PLAC1: variants seen among roughly 807,000 people sequenced by gnomAD.
PLAC1 encodes placenta associated 1.
For synonymous variants in PLAC1, 68 were observed against 62.1 expected (o/e 1.09, Z -0.44); for missense variants, 136 against 163.2 (o/e 0.83, Z 0.91).
Position 134,616,684 on chromosome X carries a change from G to A in PLAC1, c.-130-14562C>T, listed in dbSNP as rs762085786. Reference sequence around the variant, plus strand: ...AAAAAAAATTGCTTCAGCTATCTGGGGTCTTTTGTGGTTCCACACAAATTT... The same window carrying A: ...AAAAAAAATTGCTTCAGCTATCTGGAGTCTTTTGTGGTTCCACACAAATTT... On this transcript the variant is annotated intron_variant, in intron 1 of 2. Coordinates refer to ENST00000359237, the MANE Select transcript of PLAC1 (RefSeq NM_021796.4). Among the ~76,000 whole-genome samples, 14 of 111,384 alleles carry A rather than the reference G, an allele frequency of 1.3e-4. No homozygotes were observed. The East Asian group carries it at 2.6e-3, about 21-fold the overall frequency.
chrX:134,656,397 C>T (rs2078391804), intron 1 of PLAC1, among the ~76,000 whole-genome samples: 1 of 110,946 alleles, frequency 9.0e-6, no homozygotes, highest in South Asian at 3.9e-4. Flanking sequence ...CACAGAGCTC[C>T]CACCTTTTCT....
rs373008601 is a variant in PLAC1 at position 134,630,832 on chromosome X, T to C, written c.-131+27496A>G. On this transcript the variant is annotated intron_variant, in intron 1 of 2. Coordinates refer to ENST00000359237, the MANE Select transcript of PLAC1 (RefSeq NM_021796.4). The stretch of plus-strand genomic sequence containing the variant: ...GAGTTGTTGTGAAGATTAAACAGAA[T>C]GGTGCAAATCAATCACCCAGCATGT... Among the ~76,000 whole-genome samples the C allele has an allele frequency of 7.2e-5, 8 of 111,883 alleles. No homozygotes were observed. The South Asian group carries it at 3.1e-3, about 43-fold the overall frequency.
In PLAC1 at chrX:134,722,416, T is replaced by A. The variant is rs766715764; in HGVS notation, n.174+11019A>T. 8.0e-5 allele frequency among the ~76,000 whole-genome samples: 9 copies of A among 112,311 alleles called. 1 individual carries two copies. The East Asian group carries it at 2.5e-3, about 31-fold the overall frequency. On this transcript the variant is annotated intron_variant and non_coding_transcript_variant, in intron 2 of 2. Coordinates refer to the PLAC1 transcript ENST00000466797. ...CTTGAAAACATTCAGCAAAGTGAAA[T>A]AAGCCAGACACAAAAGGCCACATAT...
chrX:134,588,190 G>C (rs1402235655), intron 2 of PLAC1, among the ~76,000 whole-genome samples: 2 of 111,048 alleles, frequency 1.8e-5, no homozygotes, highest in Admixed American at 1.9e-4. Flanking sequence ...CCTCTTTAGG[G>C]GGAAAGCTAG....
chrX:134,592,607 G>GA (rs2078043624), intron 2 of PLAC1, among the ~76,000 whole-genome samples: 1 of 110,584 alleles, frequency 9.0e-6, no homozygotes, highest in Admixed American at 9.7e-5. Context: ...ACTCTTCCCT[G>GA]AGTCTCCAGC....
At position 134,750,847 on chromosome X, in the gene PLAC1, TTA is replaced by T. The variant is rs1273755571; in HGVS notation, n.89+13385_89+13386del. Among the ~76,000 whole-genome samples, 16 of 20,089 alleles carry T rather than the reference TTA, an allele frequency of 8.0e-4. 5 individuals carry two copies. Among genetic ancestry groups the T allele is most frequent in the African/African-American group, 5.2e-3 (14 of 2,670 alleles). 17.4% of individuals were successfully genotyped at this position (20,089 alleles called of 115,157 possible). On this transcript the variant is annotated intron_variant and non_coding_transcript_variant, in intron 1 of 2. Transcript: ENST00000466797. ...TATATATATATATTTATATATATAT[TTA>T]TATATATATATTTTTATATATATAT... is the stretch of plus-strand genomic sequence containing the variant.
intron 2 of PLAC1, among the ~76,000 whole-genome samples, chrX:134,571,477 T>C (rs899129123): frequency 1.8e-5 from 2 of 111,193 alleles, no homozygotes; most frequent in African/African-American, 6.5e-5. Flanking sequence ...AGGAATAAGT[T>C]CTAGTGATCT....
At chrX:134,738,180 G>A (rs1346579379) in intron 1 of PLAC1, among the ~76,000 whole-genome samples, 1 of 111,649 alleles carries the variant, frequency 9.0e-6, no homozygotes, top group South Asian at 3.8e-4. Flanking sequence ...TGAGAAAAAA[G>A]AAAATAAAAA....
intron 1 of PLAC1, among the ~76,000 whole-genome samples, chrX:134,646,768 TG>T (rs778500259): frequency 3.3e-4 from 37 of 112,142 alleles, no homozygotes; most frequent in Non-Finnish European, 4.3e-4. Context: ...TGAAGGACTT[TG>T]GGGAAAGCCA....
intron 2 of PLAC1, among the ~76,000 whole-genome samples, chrX:134,567,783 A>C (rs2124343580): frequency 1.0e-5 from 1 of 99,854 alleles, no homozygotes; most frequent in South Asian, 5.4e-4. Context: ...AAGGGAAGAA[A>C]GAAAAGAAAG....
At position 134,741,852 on chromosome X, in the gene PLAC1, C is replaced by T. The variant is rs146455103; in HGVS notation, n.90-8333G>A. 1.9e-4 allele frequency among the ~76,000 whole-genome samples: 21 copies of T among 111,275 alleles called. No individual in the cohort carries two copies. The East Asian group carries it at 3.1e-3, about 17-fold the overall frequency. On this transcript the variant is annotated intron_variant and non_coding_transcript_variant, in intron 1 of 2. Coordinates refer to the PLAC1 transcript ENST00000466797. ...CCAATCCCAGGCAGATGATTTTGAACGTGCACTCTCCTCTCACTGACTTGG... is the reference window on the plus strand; with the variant it reads ...CCAATCCCAGGCAGATGATTTTGAATGTGCACTCTCCTCTCACTGACTTGG...
intron 1 of PLAC1, among the ~76,000 whole-genome samples, chrX:134,640,623 G>C (rs1324775386): frequency 8.9e-6 from 1 of 111,936 alleles, no homozygotes; most frequent in Non-Finnish European, 1.9e-5. Flanking sequence ...ATGCTGAAGA[G>C]ATGGTACATA....
chrX:134,637,705 G>A (rs1054865510), intron 1 of PLAC1, among the ~76,000 whole-genome samples: 1 of 111,265 alleles, frequency 9.0e-6, no homozygotes, highest in Non-Finnish European at 1.9e-5. Flanking sequence ...AAAATTAGCC[G>A]GGCATGGTGA....
At chrX:134,673,936 C>A (rs368240883) in intron 2 of PLAC1, among the ~76,000 whole-genome samples, 2 of 113,070 alleles carry the variant, frequency 1.8e-5, no homozygotes, top group Admixed American at 1.9e-4. Context: ...ACCGTTCACA[C>A]GGTCTTTATC....
intron 2 of PLAC1, among the ~76,000 whole-genome samples, chrX:134,578,212 G>A (rs1039264512): frequency 9.0e-5 from 10 of 110,835 alleles, no homozygotes; most frequent in African/African-American, 3.3e-4. Context: ...AGGAGATGGA[G>A]ACCATCCTGG....
intron 1 of PLAC1, among the ~76,000 whole-genome samples, chrX:134,612,522 C>T (rs2078158984): frequency 8.9e-6 from 1 of 111,814 alleles, no homozygotes; most frequent in African/African-American, 3.3e-5. Flanking sequence ...TTCTATCCAG[C>T]AAAGTTTCAA....
chrX:134,632,864 T>A (rs960312438), intron 1 of PLAC1, among the ~76,000 whole-genome samples: 6 of 111,180 alleles, frequency 5.4e-5, no homozygotes, highest in Non-Finnish European at 1.1e-4. Flanking sequence ...GCTCCCCTGA[T>A]GTGGTTTTCA....
chrX:134,727,742 A>G (rs780865589), intron 2 of PLAC1, among the ~76,000 whole-genome samples: 19 of 112,242 alleles, frequency 1.7e-4, no homozygotes, highest in African/African-American at 5.5e-4. Flanking sequence ...CAAAAAATGT[A>G]TGGGATCTGC....
At chrX:134,757,884 G>T (rs2078760889) in intron 1 of PLAC1, among the ~76,000 whole-genome samples, 1 of 111,158 alleles carries the variant, frequency 9.0e-6, no homozygotes, top group Non-Finnish European at 1.9e-5. Flanking sequence ...TCTTCATGAA[G>T]GGTATATGGG....
Sources: gnomAD v4.1 joint callset for allele counts (sites outside exome capture counted in the v4.1 genomes callset) on GRCh38, gnomAD v4.1.1 for gene constraint, MANE v1.5 for transcripts, NCBI Gene and HGNC (gene_info 2026-07-23, HGNC 2026-07-21) for gene names.